Variants in SMAP2 observed in about 807,000 individuals in gnomAD.
SMAP2 encodes the protein small ArfGAP2.
SMAP2 carries 25 observed loss-of-function variants against 56.4 expected under a neutral mutation model. That is an observed-to-expected ratio of 0.44 (90% CI 0.32 to 0.62). SMAP2 has a LOEUF of 0.62. SMAP2 is among the 20% of genes least tolerant of loss of function. SMAP2 has a pLI of 0.04. For missense variants in SMAP2, 388 were observed against 545.6 expected (o/e 0.71, Z 2.88); for synonymous variants, 157 against 181.7 (o/e 0.86, Z 1.09).
chr1:40,356,107 C>T (rs1161403942), intron 1 of SMAP2, among the ~76,000 whole-genome samples: 1 of 152,160 alleles, frequency 6.6e-6, no homozygotes, highest in African/African-American at 2.4e-5. Context: ...GTGCCTGGCT[C>T]ATTTCACTAA....
At chr1:40,345,201 T>G (rs1644380821) in intron 1 of SMAP2, among the ~76,000 whole-genome samples, 1 of 151,958 alleles carries the variant, frequency 6.6e-6, no homozygotes, top group Non-Finnish European at 1.5e-5. Flanking sequence ...ACCAGGAGTT[T>G]GACACCAGCC....
intron 1 of SMAP2, among the ~76,000 whole-genome samples, chr1:40,396,271 C>G (rs555139299): frequency 6.6e-6 from 1 of 152,100 alleles, no homozygotes; most frequent in Non-Finnish European, 1.5e-5. Context: ...TAGTGGGTGC[C>G]GTCTAATAGA....
intron 5 of SMAP2, 27 bp from the exon 6 acceptor site, chr1:40,414,132 T>G (rs1644963619): frequency 6.2e-7 from 1 of 1,610,180 alleles, no homozygotes. Flanking sequence ...CCTGCTTATT[T>G]CTTGCTATAA....
intron 1 of SMAP2, among the ~76,000 whole-genome samples, chr1:40,381,470 A>C (rs917538736): frequency 6.6e-6 from 1 of 152,212 alleles, no homozygotes; most frequent in Non-Finnish European, 1.5e-5. Context: ...TGACTTTGCC[A>C]AGCTAATTTA....
chr1:40,383,317 C>T (rs1198752247), intron 1 of SMAP2, among the ~76,000 whole-genome samples: 1 of 151,896 alleles, frequency 6.6e-6, no homozygotes, highest in Non-Finnish European at 1.5e-5. Flanking sequence ...TGGCTGCTCC[C>T]TGCTCCTGCC....
At chr1:40,389,309 AT>A (rs11284185) in intron 1 of SMAP2, among the ~76,000 whole-genome samples, 151,521 of 151,710 alleles carry the variant, frequency 1, 75,666 homozygotes, top group Middle Eastern at 1. Flanking sequence ...CTGCATTATT[AT>A]TTTTTTTTTG....
chr1:40,372,781 G>A (rs909358595), upstream of SMAP2, among the ~76,000 whole-genome samples: 9 of 152,194 alleles, frequency 5.9e-5, no homozygotes, highest in Non-Finnish European at 1.2e-4. Context: ...ATGGCAGCCA[G>A]AGTGACCTTT....
intron 1 of SMAP2, among the ~76,000 whole-genome samples, chr1:40,379,770 G>C (rs1478519558): frequency 1.3e-5 from 2 of 152,040 alleles, no homozygotes; most frequent in Non-Finnish European, 2.9e-5. Flanking sequence ...GACCTCAAGT[G>C]ATCTGCCCAC....
rs1644521020 is a variant in SMAP2, at chr1:40,374,408, C to T, written c.103+185C>T. Reference sequence around the variant, plus strand: ...GGGGGATTGGTATGGGTAGAGCTTGCGAGGGCGAGTCTGTGTGTGTCGGGG... The same window carrying T: ...GGGGGATTGGTATGGGTAGAGCTTGTGAGGGCGAGTCTGTGTGTGTCGGGG... On this transcript the variant is annotated intron_variant, in intron 1 of 9. Coordinates refer to ENST00000372718, the MANE Select transcript of SMAP2 (RefSeq NM_022733.3). The surrounding 1 kb of genome is among the most constrained non-coding windows in gnomAD (Gnocchi z 5.9). 6.6e-6 allele frequency among the ~76,000 whole-genome samples: 1 copy of T among 151,908 alleles called. No individual in the cohort carries two copies. Among genetic ancestry groups the T allele is most frequent in the Non-Finnish European group, 1.5e-5 (1 of 67,962 alleles).
At chr1:40,347,791 T>G (rs1644395338) in intron 1 of SMAP2, among the ~76,000 whole-genome samples, 1 of 152,214 alleles carries the variant, frequency 6.6e-6, no homozygotes, top group Non-Finnish European at 1.5e-5. Context: ...TTGTGGTACA[T>G]ATTCTTCCAG....
chr1:40,414,253 C>A lies in SMAP2; in HGVS notation c.571+13C>A. On this transcript the variant is annotated intron_variant, in intron 6 of 9. Transcript: ENST00000372718. ...TTGTTGGGCCTTGGTAAGAGTTGGA[C>A]TTTTCAGCTTCCATGTTCTTACAAA... is the stretch of plus-strand genomic sequence containing the variant. 4 of 1,612,720 alleles carry A rather than the reference C, an allele frequency of 2.5e-6. No individual in the cohort carries two copies. The highest frequency in any genetic ancestry group is 3.4e-6 in the Non-Finnish European group (4 of 1,178,768).
chr1:40,414,044 C>A, intron 5 of SMAP2, 115 bp from the exon 6 acceptor site: 1 of 858,528 alleles, frequency 1.2e-6, no homozygotes, highest in Non-Finnish European at 1.8e-6. Context: ...TCTTTGGTAA[C>A]TCTCTTTGAA....
intron 1 of SMAP2, among the ~76,000 whole-genome samples, chr1:40,405,805 T>C (rs1288114642): frequency 6.6e-6 from 1 of 152,146 alleles, no homozygotes; most frequent in African/African-American, 2.4e-5. Flanking sequence ...TTTTTCAGAG[T>C]GATTATTAGG....
Position 40,421,960 on chromosome 1 carries a change from C to T in SMAP2, c.1165-16C>T, listed in dbSNP as rs1439023513. 1.2e-6 allele frequency: 2 copies of T among 1,613,940 alleles called. No homozygotes were observed. Among genetic ancestry groups the T allele is most frequent in the Non-Finnish European group, 1.7e-6 (2 of 1,179,974 alleles). ...TGCCCACAGCCTGGTCTGAAAGTCT[C>T]CTCTCTCCCTTTCAGATGACCCAGC... On this transcript the variant is annotated splice_polypyrimidine_tract_variant and intron_variant, in intron 9 of 9. Coordinates refer to ENST00000372718, the MANE Select transcript of SMAP2 (RefSeq NM_022733.3).
At chr1:40,388,376 C>T (rs143420969) in intron 1 of SMAP2, among the ~76,000 whole-genome samples, 2 of 152,150 alleles carry the variant, frequency 1.3e-5, no homozygotes, top group African/African-American at 2.4e-5. Flanking sequence ...ATACACCAGT[C>T]GGCACTCTGT....
chr1:40,360,875 CCAAAGTGCTCTGGAGTTCTAAGTAAACTT>C (rs1644457050), intron 1 of SMAP2, among the ~76,000 whole-genome samples: 1 of 152,184 alleles, frequency 6.6e-6, no homozygotes. Context: ...CCACCCCAGG[CCAAAGTGCTCTGGAGTTCTAAGTAAACTT>C]CAAAGACAGT....
rs188788650 is a variant in SMAP2 at position 40,423,093 on chromosome 1, G to C, written c.*992G>C. 1 of 152,446 alleles carries C rather than the reference G, an allele frequency of 6.6e-6. No individual in the cohort carries two copies. The highest frequency in any genetic ancestry group is 1.9e-4 in the East Asian group (1 of 5,184). The allele number at this position is 152,446 out of a possible 1,614,324, so 9.4% of individuals were successfully genotyped here. On this transcript the variant is annotated 3_prime_UTR_variant, in exon 10 of 10. Transcript: ENST00000372718. ...CTCCCTTTCTCCCTTCCCTTCTCCC[G>C]GTCTGCTGATCACTCTTTCATGCCT...
intron 1 of SMAP2, among the ~76,000 whole-genome samples, chr1:40,381,216 C>T (rs1644594680): frequency 6.6e-6 from 1 of 152,196 alleles, no homozygotes; most frequent in Non-Finnish European, 1.5e-5. Flanking sequence ...TTCTTAAGCA[C>T]TTACTACCTA....
chr1:40,393,825 G>A (rs1037933533), intron 1 of SMAP2, among the ~76,000 whole-genome samples: 12 of 152,082 alleles, frequency 7.9e-5, no homozygotes, highest in Admixed American at 1.3e-4. Flanking sequence ...GGATTAAGGC[G>A]TGAGGCACCG....
Sources: allele counts gnomAD v4.1 joint callset (sites outside exome capture counted in the v4.1 genomes callset), GRCh38; gene constraint gnomAD v4.1.1; non-coding constraint Gnocchi (gnomAD v3.1); transcripts MANE v1.5; gene names NCBI Gene and HGNC (gene_info 2026-07-23, HGNC 2026-07-21).